DAO: variants seen among roughly 807,000 people sequenced by gnomAD.
DAO encodes the protein D-amino-acid oxidase.
Under a neutral mutation model 50.1 loss-of-function variants are expected in DAO, and 51 were observed. The ratio of observed to expected loss-of-function variants is 1.02; its 90% CI spans 0.81 to 1.29. DAO has a LOEUF of 1.29. DAO is among the 50% of genes most tolerant of loss of function. The pLI, the probability that DAO is intolerant of heterozygous loss-of-function variation, is 0.00. For synonymous variants in DAO, 160 were observed against 166.2 expected (o/e 0.96, Z 0.29); for missense variants, 436 against 439.4 (o/e 0.99, Z 0.07).
chr12:108,890,384 A>G, intron 5 of DAO, 111 bp downstream of exon 5: 1 of 818,596 alleles, frequency 1.2e-6, no homozygotes, highest in Non-Finnish European at 2.1e-6. Context: ...TTTGAAGAAT[A>G]CCCTTAGGCC....
chr12:108,892,159 CTTTTTTTTT>C (rs11356161), intron 5 of DAO, among the ~76,000 whole-genome samples: 1 of 108,990 alleles, frequency 9.2e-6, no homozygotes, highest in Non-Finnish European at 1.8e-5. Flanking sequence ...TTTCTTTCTT[CTTTTTTTTT>C]TTTTTTTTTT....
intron 8 of DAO, chr12:108,898,393 T>A: frequency 2.3e-6 from 1 of 432,906 alleles, no homozygotes; most frequent in South Asian, 2.1e-5. Context: ...GTCGTGGAGA[T>A]GACAATATCA....
chr12:108,887,412 A>G, intron 2 of DAO, 38 bp from the exon 3 acceptor site: 4 of 1,505,666 alleles, frequency 2.7e-6, no homozygotes, highest in Non-Finnish European at 3.7e-6. Context: ...TGCCCAGCTC[A>G]GGGCATTGGG....
intron 10 of DAO, chr12:108,900,014 C>T (rs1476998599): frequency 3.1e-6 from 1 of 318,076 alleles, no homozygotes; most frequent in African/African-American, 2.2e-5. Flanking sequence ...GCAGCAAGTC[C>T]ATTACATGAA....
At chr12:108,894,207 G>A in intron 6 of DAO, 56 bp from the exon 7 acceptor site, 1 of 1,311,616 alleles carries the variant, frequency 7.6e-7, no homozygotes, top group Non-Finnish European at 1.1e-6. Flanking sequence ...AGAGAACAGG[G>A]AATACCAGGG....
Position 108,900,648 on chromosome 12 carries a change from A to T in DAO, c.*113A>T, listed in dbSNP as rs2039613000. 6.7e-7 allele frequency: 1 copy of T among 1,494,896 alleles called. No individual in the cohort carries two copies. Among genetic ancestry groups the T allele is most frequent in the African/African-American group, 1.4e-5 (1 of 72,348 alleles). The allele number at this position is 1,494,896 out of a possible 1,614,324, so 92.6% of individuals were successfully genotyped here. A position where few individuals can be genotyped will look rare whatever the true frequency, so the allele number is the denominator to read the frequency against. Reference sequence around the variant, plus strand: ...TCTCCCTCACTTCTTTCCTCAAAGAAGCATGAGGTGAGAGAAAGCCACAAA... The same window carrying T: ...TCTCCCTCACTTCTTTCCTCAAAGATGCATGAGGTGAGAGAAAGCCACAAA... On this transcript the variant is annotated 3_prime_UTR_variant, in exon 11 of 11. Transcript: ENST00000228476.
At position 108,890,232 on chromosome 12, in the gene DAO, A is replaced by C. The variant is rs769485346; in HGVS notation, c.411A>C (p.Leu137=). ...GCTATGGCTGGTTCCACACAAGCCT[A>C]ATTCTGGAGGGAAAGAACTATCTAC... is the stretch of plus-strand genomic sequence containing the variant. ...DYGYGWFHTS[L]ILEGKNYLQW... The change falls in exon 5 of 11, where the codon CTA becomes CTC. Residue 137 remains leucine, a synonymous_variant. Transcript: ENST00000228476. The C allele has an allele frequency of 3.1e-6, 5 of 1,613,742 alleles. No homozygotes were observed. Among genetic ancestry groups the C allele is most frequent in the African/African-American group, 1.3e-5 (1 of 74,910 alleles).
intron 1 of DAO, among the ~76,000 whole-genome samples, chr12:108,884,065 T>C (rs1384152587): frequency 6.6e-6 from 1 of 152,242 alleles, no homozygotes; most frequent in Admixed American, 6.5e-5. Context: ...CGGGCTTAAG[T>C]AGCTTCAAGG....
rs386377704 is a variant in DAO at position 108,896,419 on chromosome 12, CAAAA to C, written c.613-567_613-564del. On this transcript the variant is annotated intron_variant, in intron 7 of 10. Coordinates refer to ENST00000228476, the MANE Select transcript of DAO (RefSeq NM_001917.5). Reference sequence around the variant, plus strand: ...GCCTGGCAACAGAGCGAGGCTGTCTCAAAAAAAAAAAAAAAAAAAAAAATTGAAG... The same window carrying C: ...GCCTGGCAACAGAGCGAGGCTGTCTCAAAAAAAAAAAAAAAAAAATTGAAG... Among the ~76,000 whole-genome samples the C allele has an allele frequency of 1.3e-4, 8 of 59,542 alleles. No homozygotes were observed. The South Asian group carries it at 2.8e-3, about 21-fold the overall frequency. 39.1% of individuals were successfully genotyped at this position (59,542 alleles called of 152,430 possible).
chr12:108,898,810 G>T lies in DAO; in HGVS notation c.813+14G>T. Reference sequence around the variant, plus strand: ...CCCACACTGAAGGTAAGGTAGGGAGGAGTAGCAGTGCCCTAAACCAAGGTC... The same window carrying T: ...CCCACACTGAAGGTAAGGTAGGGAGTAGTAGCAGTGCCCTAAACCAAGGTC... On this transcript the variant is annotated intron_variant, in intron 9 of 10. Coordinates refer to ENST00000228476, the MANE Select transcript of DAO (RefSeq NM_001917.5). 6.3e-7 allele frequency: 1 copy of T among 1,579,800 alleles called. No homozygotes were observed. The highest frequency in any genetic ancestry group is 8.7e-7 in the Non-Finnish European group (1 of 1,148,900).
intron 10 of DAO, 110 bp downstream of exon 10, chr12:108,899,585 A>G (rs1200218286): frequency 1.1e-6 from 1 of 930,212 alleles, no homozygotes; most frequent in South Asian, 1.4e-5. Context: ...GCTCCATAGC[A>G]GGCAGGGGCA....
chr12:108,881,885 C>A (rs991165354), intron 1 of DAO, among the ~76,000 whole-genome samples: 1 of 152,094 alleles, frequency 6.6e-6, no homozygotes, highest in Non-Finnish European at 1.5e-5. Context: ...GAATTAAAGA[C>A]GTGAGCCACT....
rs752743261 is a variant in DAO, at chr12:108,900,505, A to T, written c.1014A>T (p.Lys338Asn). ...TTGGGAGAATCCTGGAAGAAAAGAA[A>T]TTGTCCAGAATGCCACCATCCCACC... ...KLFGRILEEK[K>N]LSRMPPSHL The change falls in exon 11 of 11, where the codon AAA becomes AAT. Residue 338 changes from lysine (K) to asparagine (N), a missense_variant. Transcript: ENST00000228476. 2.5e-6 allele frequency: 4 copies of T among 1,614,100 alleles called. No homozygotes were observed. In the South Asian group the frequency reaches 4.4e-5, roughly 18 times the overall value.
intron 7 of DAO, among the ~76,000 whole-genome samples, chr12:108,895,624 ATGCATGTGTGTGAGGGTATGTGTG>A (rs1286799327): frequency 1.2e-5 from 1 of 86,226 alleles, no homozygotes. Context: ...GAGAGTATGT[ATGCATGTGTGTGAGGGTATGTGTG>A]TGCATGTGTG....
intron 1 of DAO, among the ~76,000 whole-genome samples, chr12:108,881,389 AT>A (rs2039376895): frequency 1.3e-5 from 2 of 150,306 alleles, no homozygotes; most frequent in Admixed American, 1.3e-4. Flanking sequence ...CGCATGAATG[AT>A]TTTACCTAAG....
At chr12:108,894,174 T>C (rs2039521450) in intron 6 of DAO, 89 bp from the exon 7 acceptor site, 1 of 999,278 alleles carries the variant, frequency 1.0e-6, no homozygotes, top group African/African-American at 1.6e-5. Context: ...AGTAGACAGA[T>C]TGAGGGTAGA....
At chr12:108,900,159 G>C in intron 10 of DAO, 1 of 475,964 alleles carries the variant, frequency 2.1e-6, no homozygotes, top group Non-Finnish European at 3.9e-6. Flanking sequence ...GCAGGGCTGG[G>C]ATGTGATTTG....
chr12:108,887,271 A>G (rs537826446), intron 2 of DAO, among the ~76,000 whole-genome samples, 179 bp from the exon 3 acceptor site: 2 of 152,242 alleles, frequency 1.3e-5, no homozygotes, highest in Admixed American at 6.5e-5. Flanking sequence ...GAAATATTGG[A>G]AAATTTAGGA....
chr12:108,898,144 G>A (rs115236192), intron 8 of DAO, among the ~76,000 whole-genome samples: 239 of 152,244 alleles, frequency 1.6e-3, no homozygotes, highest in African/African-American at 5.4e-3. Context: ...GGAAGACAGC[G>A]TTCATGGGGG....
Sources: allele counts gnomAD v4.1 joint callset (sites outside exome capture counted in the v4.1 genomes callset), GRCh38; gene constraint gnomAD v4.1.1; transcripts MANE v1.5; gene names NCBI Gene and HGNC (gene_info 2026-07-23, HGNC 2026-07-21).